TEAD4: variants seen among roughly 807,000 people sequenced by gnomAD.
TEAD4 encodes TEA domain transcription factor 4, also known as transcriptional enhancer factor TEF-3.
In TEAD4, 36 loss-of-function variants were observed where a neutral mutation model predicts 52.4. The ratio of observed to expected loss-of-function variants is 0.69; its 90% CI spans 0.53 to 0.91. The LOEUF (loss-of-function observed/expected upper bound fraction) is 0.91. Ranked by LOEUF, TEAD4 falls within the 40% of genes least tolerant of loss-of-function variation. TEAD4 has a pLI of 0.00. For missense variants in TEAD4, 508 were observed against 583.9 expected (o/e 0.87, Z 1.34); for synonymous variants, 220 against 231.0 (o/e 0.95, Z 0.43).
Position 3,040,269 on chromosome 12 carries a change from G to C in TEAD4, c.1191+10G>C, listed in dbSNP as rs370793269. On this transcript the variant is annotated intron_variant, in intron 12 of 12. Transcript: ENST00000359864. ...CTTCACCATCCTGCAGGTGTGCGGC[G>C]GGTGCTGCGGGTGTGGCTGGAGTCT... 1 of 1,614,138 alleles carries C rather than the reference G, an allele frequency of 6.2e-7. No homozygotes were observed.
intron 2 of TEAD4, among the ~76,000 whole-genome samples, chr12:2,962,076 A>G (rs2098215814): frequency 6.6e-6 from 1 of 151,652 alleles, no homozygotes; most frequent in Admixed American, 6.6e-5. Flanking sequence ...CCCTAATGTC[A>G]GCATCTAAGT....
In TEAD4 at chr12:2,995,484, T is replaced by C. The variant is rs1460984344; in HGVS notation, c.226+492T>C. 2.6e-5 allele frequency among the ~76,000 whole-genome samples: 4 copies of C among 152,156 alleles called. No individual in the cohort carries two copies. In the East Asian group the frequency reaches 7.7e-4, roughly 29 times the overall value. On this transcript the variant is annotated intron_variant, in intron 3 of 12. Coordinates refer to ENST00000359864, the MANE Select transcript of TEAD4 (RefSeq NM_003213.4). ...GTAATGTGAGCTCACAGATACCTGCTCTGCAAGGCAGCCTGGAGAGTTCCT... is the reference window on the plus strand; with the variant it reads ...GTAATGTGAGCTCACAGATACCTGCCCTGCAAGGCAGCCTGGAGAGTTCCT...
chr12:2,975,187 A>G, intron 2 of TEAD4, among the ~76,000 whole-genome samples: 1 of 150,318 alleles, frequency 6.7e-6, no homozygotes, highest in African/African-American at 2.4e-5. Context: ...AACAAACAAA[A>G]AAAGACTATA....
chr12:3,020,103 A>G (rs1303064683), intron 8 of TEAD4, among the ~76,000 whole-genome samples: 3 of 152,150 alleles, frequency 2.0e-5, no homozygotes, highest in Admixed American at 6.5e-5. Context: ...GACACGATCT[A>G]AACTACAGTA....
intron 7 of TEAD4, 91 bp from the exon 8 acceptor site, chr12:3,019,024 G>A: frequency 6.7e-7 from 1 of 1,503,104 alleles, no homozygotes; most frequent in Non-Finnish European, 9.2e-7. Flanking sequence ...CAGACCACCA[G>A]GACCTACCAC....
At position 2,959,927 on chromosome 12, in the gene TEAD4, G is replaced by T. The variant is rs1008356298; in HGVS notation, c.-122-21G>T. On this transcript the variant is annotated intron_variant, in intron 1 of 12. Transcript: ENST00000359864. The surrounding 1 kb of genome is among the most constrained non-coding windows in gnomAD (Gnocchi z 5.1). ...CGGCCGGAGCCCGGCTCTGCGCGCT[G>T]ACGCCCTGTCGTCCCCGCAGAACGA... 6.6e-6 allele frequency: 1 copy of T among 152,124 alleles called. No homozygotes were observed. Among genetic ancestry groups the T allele is most frequent in the Non-Finnish European group, 1.5e-5 (1 of 68,046 alleles). 9.4% of individuals were successfully genotyped at this position (152,124 alleles called of 1,614,324 possible).
chr12:2,975,296 A>C (rs1173328937), intron 2 of TEAD4, among the ~76,000 whole-genome samples: 1 of 151,912 alleles, frequency 6.6e-6, no homozygotes, highest in African/African-American at 2.4e-5. Context: ...CCTAGTCTTA[A>C]CATCTTGCAT....
intron 6 of TEAD4, among the ~76,000 whole-genome samples, chr12:3,017,893 C>T (rs936426977): frequency 1.3e-5 from 2 of 152,184 alleles, no homozygotes; most frequent in East Asian, 1.9e-4. Context: ...GCTCGTGCCA[C>T]GCAGCCTCAT....
intron 11 of TEAD4, among the ~76,000 whole-genome samples, chr12:3,038,386 C>A (rs951249326): frequency 2.6e-5 from 4 of 152,228 alleles, no homozygotes; most frequent in African/African-American, 9.6e-5. Context: ...GCAGCACAGG[C>A]AGAGCCCTGG....
chr12:3,019,064 G>A (rs571343812), intron 7 of TEAD4, 51 bp from the exon 8 acceptor site: 23 of 1,605,640 alleles, frequency 1.4e-5, no homozygotes, highest in East Asian at 8.9e-5. Flanking sequence ...GCAGGGATCC[G>A]GGGCGGTGGC....
intron 2 of TEAD4, among the ~76,000 whole-genome samples, chr12:2,981,289 C>T (rs947098522): frequency 6.6e-6 from 1 of 152,240 alleles, no homozygotes; most frequent in Non-Finnish European, 1.5e-5. Flanking sequence ...CCGGCACTAC[C>T]TGCAGGATAG....
At chr12:3,004,712 CAGATACTTGTACTGATG>C (rs2098254449) in intron 3 of TEAD4, among the ~76,000 whole-genome samples, 1 of 152,242 alleles carries the variant, frequency 6.6e-6, no homozygotes, top group South Asian at 2.1e-4. Flanking sequence ...TGTATCCGCA[CAGATACTTGTACTGATG>C]AGGTATGCAG....
intron 2 of TEAD4, among the ~76,000 whole-genome samples, chr12:2,964,459 CTTTT>C (rs768389942): frequency 1.4e-5 from 2 of 140,234 alleles, no homozygotes; most frequent in Admixed American, 7.2e-5. Flanking sequence ...TTCTTTCTTT[CTTTT>C]TTTTTTTTTT....
chr12:2,962,584 C>G (rs1330068540), intron 2 of TEAD4, among the ~76,000 whole-genome samples: 1 of 151,864 alleles, frequency 6.6e-6, no homozygotes, highest in Non-Finnish European at 1.5e-5. Flanking sequence ...ATCTGCCCAC[C>G]TTGGCCTCCT....
chr12:2,969,334 C>T (rs996671607), intron 2 of TEAD4, among the ~76,000 whole-genome samples: 4 of 152,262 alleles, frequency 2.6e-5, no homozygotes, highest in African/African-American at 7.2e-5. Flanking sequence ...GGAGGATGTG[C>T]GTAAGTTATG....
At chr12:2,981,142 C>T (rs375474433) in intron 2 of TEAD4, among the ~76,000 whole-genome samples, 89 of 152,320 alleles carry the variant, frequency 5.8e-4, no homozygotes, top group African/African-American at 2.0e-3. Context: ...AGTAGTAAAA[C>T]GTGTGTCCCT....
intron 2 of TEAD4, among the ~76,000 whole-genome samples, chr12:2,979,949 G>T (rs2098232825): frequency 6.6e-6 from 1 of 152,170 alleles, no homozygotes; most frequent in Admixed American, 6.5e-5. Flanking sequence ...ATGAGAATCA[G>T]CAGGGAGAGA....
In TEAD4 at chr12:3,021,944, C is replaced by T. The variant is rs373793296; in HGVS notation, c.824C>T (p.Pro275Leu). ...ATCCGCCAAATCTATGACAAATTCC[C>T]GGAGAAAAAGGGTGGACTCAAGGAT... The change falls in exon 10 of 13, where the codon CCG becomes CTG. Residue 275 changes from proline to leucine, a missense_variant. Pro to Leu is a moderately conservative substitution (Grantham distance 98). Transcript: ENST00000359864. 2.2e-5 allele frequency: 35 copies of T among 1,614,120 alleles called. No individual in the cohort carries two copies. The highest frequency in any genetic ancestry group is 2.9e-5 in the Non-Finnish European group (34 of 1,180,052).
At chr12:2,987,206 T>A (rs2098239224) in intron 2 of TEAD4, among the ~76,000 whole-genome samples, 2 of 152,124 alleles carry the variant, frequency 1.3e-5, no homozygotes, top group African/African-American at 2.4e-5. Flanking sequence ...AGAGTGGGAA[T>A]GCAAGCCTTG....
Sources: allele counts gnomAD v4.1 joint callset (sites outside exome capture counted in the v4.1 genomes callset), GRCh38; gene constraint gnomAD v4.1.1; non-coding constraint Gnocchi (gnomAD v3.1); transcripts MANE v1.5; gene names NCBI Gene and HGNC (gene_info 2026-07-23, HGNC 2026-07-21).